Variants in PCDHGA5 observed in about 807,000 individuals in gnomAD.
PCDHGA5 encodes the protein protocadherin gamma subfamily A, 5.
Under a neutral mutation model 56.7 loss-of-function variants are expected in PCDHGA5, and 36 were observed. The ratio of observed to expected loss-of-function variants is 0.64; its 90% CI spans 0.49 to 0.84. The LOEUF is 0.84. Ranked by LOEUF, PCDHGA5 falls within the 40% of genes least tolerant of loss-of-function variation. The pLI is 0.00. For missense variants in PCDHGA5, 1,305 were observed against 1,201.5 expected (o/e 1.09, Z -1.27); for synonymous variants, 563 against 520.2 (o/e 1.08, Z -1.12).
At chr5:141,376,674 TCG>T in intron 1 of PCDHGA5, 1 of 648,166 alleles carries the variant, frequency 1.5e-6, no homozygotes, top group South Asian at 2.1e-5. Context: ...GGTGAGGGTA[TCG>T]TTTTTTTTTT....
At chr5:141,505,538 T>C in intron 3 of PCDHGA5, 57 bp downstream of exon 3, 1 of 1,610,262 alleles carries the variant, frequency 6.2e-7, no homozygotes, top group Non-Finnish European at 8.5e-7. Context: ...CTGGGGTGCA[T>C]CTCACAGCCA....
intron 1 of PCDHGA5, chr5:141,398,072 G>T: frequency 1.9e-6 from 3 of 1,588,646 alleles, no homozygotes; most frequent in Non-Finnish European, 2.6e-6. Context: ...CAATACAGAG[G>T]TTATTTGTAA....
At chr5:141,426,015 T>G (rs1168777347) in intron 1 of PCDHGA5, among the ~76,000 whole-genome samples, 3 of 152,200 alleles carry the variant, frequency 2.0e-5, no homozygotes, top group African/African-American at 7.2e-5. Flanking sequence ...GGCTGCAGTT[T>G]TCTAAATAGA....
intron 1 of PCDHGA5, among the ~76,000 whole-genome samples, chr5:141,463,632 T>C (rs2099065676): frequency 6.6e-6 from 1 of 151,822 alleles, no homozygotes; most frequent in Admixed American, 6.6e-5. Flanking sequence ...GTATTTTGTT[T>C]AGTAGAGACG....
Position 141,400,219 on chromosome 5 carries a change from C to T in PCDHGA5, c.2421+33468C>T, listed in dbSNP as rs1200450595. On this transcript the variant is annotated intron_variant, in intron 1 of 3. Coordinates refer to ENST00000518069, the MANE Select transcript of PCDHGA5 (RefSeq NM_018918.3). ...GGTGGCCTTGGCCTTGATCTCAGTG[C>T]TCTTCCTCCTGGCCGTGATTCTGGC... The T allele has an allele frequency of 1.9e-6, 3 of 1,613,934 alleles. No homozygotes were observed. Among genetic ancestry groups the T allele is most frequent in the African/African-American group, 1.3e-5 (1 of 74,930 alleles).
Position 141,453,292 on chromosome 5 carries a change from T to A in PCDHGA5, c.2422-41515T>A, listed in dbSNP as rs141563552. The stretch of plus-strand genomic sequence containing the variant: ...CCATGACTGGCTAATTTTTTAATTA[T>A]TTATTTATTTATTTATTTATTTTAG... On this transcript the variant is annotated intron_variant, in intron 1 of 3. Transcript: ENST00000518069. Among the ~76,000 whole-genome samples, 253 of 151,810 alleles carry A rather than the reference T, an allele frequency of 1.7e-3. 1 individual carries two copies. The highest frequency in any genetic ancestry group is 2.6e-3 in the Non-Finnish European group (178 of 67,938).
intron 2 of PCDHGA5, among the ~76,000 whole-genome samples, chr5:141,500,788 A>T (rs1379810633): frequency 2.6e-5 from 4 of 152,198 alleles, no homozygotes; most frequent in Admixed American, 6.5e-5. Context: ...ATATTATTTT[A>T]CAGAATAAGT....
At chr5:141,423,397 C>T (rs759822483) in intron 1 of PCDHGA5, 3 of 1,614,146 alleles carry the variant, frequency 1.9e-6, no homozygotes, top group East Asian at 2.2e-5. Context: ...GCATAAGTCA[C>T]GCCTGCTGCA....
chr5:141,457,495 T>C (rs2098922394), intron 1 of PCDHGA5, among the ~76,000 whole-genome samples: 1 of 152,204 alleles, frequency 6.6e-6, no homozygotes, highest in Admixed American at 6.5e-5. Context: ...GTCTAAAATG[T>C]AGGCAAAAAG....
chr5:141,460,791 C>A (rs2098997892), intron 1 of PCDHGA5, among the ~76,000 whole-genome samples: 1 of 151,666 alleles, frequency 6.6e-6, no homozygotes, highest in Non-Finnish European at 1.5e-5. Context: ...TATATACACA[C>A]AAAGTATATA....
At chr5:141,421,222 C>T in intron 1 of PCDHGA5, 1 of 1,576,946 alleles carries the variant, frequency 6.3e-7, no homozygotes, top group Non-Finnish European at 8.6e-7. Flanking sequence ...CGGCTTAGAG[C>T]CTGCCATGGC....
At chr5:141,418,530 G>T in intron 1 of PCDHGA5, 6 of 1,613,952 alleles carry the variant, frequency 3.7e-6, no homozygotes, top group Non-Finnish European at 5.1e-6. Flanking sequence ...CCCCGAAGCG[G>T]TACTGCTCAG....
At chr5:141,388,364 G>A (rs749994962) in intron 1 of PCDHGA5, 12 of 1,613,846 alleles carry the variant, frequency 7.4e-6, no homozygotes, top group Middle Eastern at 1.6e-4. Context: ...CCCATGATGC[G>A]GATATTGGTA....
In PCDHGA5 at chr5:141,364,378, CT is replaced by C. The variant is rs1763292198; in HGVS notation, c.50del (p.Phe17SerfsTer32). The stretch of plus-strand genomic sequence containing the variant: ...GGGGCTGCGGAGAGCTGCTGCTGCC[CT>C]TCATGCTCCTGGGGACGCTGTGCGA... Reference protein sequence around the residue: ...GWGCGELLLPFMLLGTLCEPG... With the variant: ...GWGCGELLLPXMLLGTLCEPG... On this transcript the variant is annotated frameshift_variant, in exon 1 of 4. Transcript: ENST00000518069. LOFTEE classifies it high-confidence loss of function. 5 of 1,579,064 alleles carry C rather than the reference CT, an allele frequency of 3.2e-6. No individual in the cohort carries two copies. The East Asian group carries it at 1.1e-4, about 35-fold the overall frequency.
Position 141,365,388 on chromosome 5 carries a change from C to G in PCDHGA5, c.1058C>G (p.Thr353Ser). 1 of 1,613,966 alleles carries G rather than the reference C, an allele frequency of 6.2e-7. No homozygotes were observed. The highest frequency in any genetic ancestry group is 1.1e-5 in the South Asian group (1 of 91,074). Residue 353 changes from threonine to serine, a missense_variant, in exon 1 of 4, where the codon ACC becomes AGC. By Grantham distance (58) the Thr-to-Ser change is moderately conservative. Transcript: ENST00000518069. ...NAPEVILTSL[T>S]SSISEDCLPG... ...CCCGAAGTGATCCTCACCTCTCTGA[C>G]CAGTTCGATCTCTGAAGACTGTCTT...
At chr5:141,448,247 A>G (rs1449158776) in intron 1 of PCDHGA5, among the ~76,000 whole-genome samples, 1 of 152,104 alleles carries the variant, frequency 6.6e-6, no homozygotes, top group Non-Finnish European at 1.5e-5. Flanking sequence ...TTTGCACAAC[A>G]GGATCATTTT....
rs769351399 is a variant in PCDHGA5, at chr5:141,432,649, A to G, written c.2422-62158A>G. The G allele has an allele frequency of 6.2e-7, 1 of 1,613,742 alleles. No homozygotes were observed. The highest frequency in any genetic ancestry group is 1.1e-5 in the South Asian group (1 of 91,054). ...ACACGGGCGAGGTGCGCACGGCGCG[A>G]GCCCTGCTGGACAGAGACGCGCTCA... is the stretch of plus-strand genomic sequence containing the variant. On this transcript the variant is annotated intron_variant, in intron 1 of 3. Coordinates refer to ENST00000518069, the MANE Select transcript of PCDHGA5 (RefSeq NM_018918.3). The surrounding 1 kb of genome is among the most constrained non-coding windows in gnomAD (Gnocchi z 6.0).
intron 1 of PCDHGA5, chr5:141,423,398 G>C (rs767594062): frequency 6.8e-6 from 11 of 1,614,172 alleles, no homozygotes; most frequent in Non-Finnish European, 9.3e-6. Context: ...CATAAGTCAC[G>C]CCTGCTGCAG....
At chr5:141,402,935 T>G in intron 1 of PCDHGA5, 1 of 1,587,712 alleles carries the variant, frequency 6.3e-7, no homozygotes, top group Non-Finnish European at 8.6e-7. Context: ...TTTGAGAAAA[T>G]TCCAAAGCGA....
Sources: allele counts gnomAD v4.1 joint callset (sites outside exome capture counted in the v4.1 genomes callset), GRCh38; gene constraint gnomAD v4.1.1; non-coding constraint Gnocchi (gnomAD v3.1); transcripts MANE v1.5; gene names NCBI Gene and HGNC (gene_info 2026-07-23, HGNC 2026-07-21).